Variants in PKD1L1 observed in about 807,000 individuals in gnomAD.
PKD1L1 encodes the protein polycystin-1-like protein 1.
PKD1L1 carries 236 observed loss-of-function variants against 323.4 expected under a neutral mutation model. That is an observed-to-expected ratio of 0.73 (90% confidence interval 0.66 to 0.81). The LOEUF is 0.81. Among genes scored for constraint, PKD1L1 ranks in the 40% least tolerant of loss-of-function variants. The pLI, the probability that PKD1L1 is intolerant of heterozygous loss-of-function variation, is 0.00. For synonymous variants in PKD1L1, 1,344 were observed against 1,335.0 expected (o/e 1.01, Z -0.15); for missense variants, 3,320 against 3,508.0 (o/e 0.95, Z 1.35).
intron 7 of PKD1L1, 107 bp from the exon 8 acceptor site, chr7:47,915,706 G>A: frequency 3.1e-6 from 2 of 638,026 alleles, no homozygotes; most frequent in Non-Finnish European, 5.0e-6. Context: ...ATAAACTAAT[G>A]AAAATTTACC....
intron 25 of PKD1L1, 46 bp from the exon 26 acceptor site, chr7:47,865,318 A>T: frequency 6.5e-7 from 1 of 1,535,242 alleles, no homozygotes; most frequent in Non-Finnish European, 8.9e-7. Context: ...ATGCAAGGAG[A>T]GGGAAATTAG....
Position 47,888,111 on chromosome 7 carries a change from G to T in PKD1L1, c.2715C>A (p.Phe905Leu), listed in dbSNP as rs1406078540. Reference sequence around the variant, plus strand: ...GAGAGAGTTCGTCATTCCAGTTGACGAAGGTGTCTTTAAAGCTGACCCAGG... The same window carrying T: ...GAGAGAGTTCGTCATTCCAGTTGACTAAGGTGTCTTTAAAGCTGACCCAGG... ...HISWVSFKDT[F>L]VNWNDELSLQ... Residue 905 changes from phenylalanine to leucine, a missense_variant, in exon 17 of 57, where the codon TTC becomes TTA. Transcript: ENST00000289672. The T allele has an allele frequency of 6.2e-7, 1 of 1,613,942 alleles. No homozygotes were observed. The highest frequency in any genetic ancestry group is 8.5e-7 in the Non-Finnish European group (1 of 1,179,966).
intron 2 of PKD1L1, among the ~76,000 whole-genome samples, chr7:47,942,231 C>T (rs1055160649): frequency 6.6e-6 from 1 of 152,202 alleles, no homozygotes; most frequent in Non-Finnish European, 1.5e-5. Flanking sequence ...TTCTCCTCAT[C>T]TGCAGCACCT....
chr7:47,945,281 T>C (rs754387771), intron 1 of PKD1L1, among the ~76,000 whole-genome samples: 1 of 152,236 alleles, frequency 6.6e-6, no homozygotes, highest in East Asian at 1.9e-4. Context: ...GTCTTGGATG[T>C]CTATAAAGTC....
intron 48 of PKD1L1, 182 bp from the exon 49 acceptor site, chr7:47,813,475 A>G: frequency 1.3e-6 from 1 of 749,014 alleles, no homozygotes; most frequent in Non-Finnish European, 2.3e-6. Flanking sequence ...CTCAAGCTAC[A>G]GGATCAAGGT....
intron 56 of PKD1L1, among the ~76,000 whole-genome samples, chr7:47,782,907 G>T (rs1328885656): frequency 6.6e-6 from 1 of 152,166 alleles, no homozygotes; most frequent in Non-Finnish European, 1.5e-5. Flanking sequence ...ACCAAAGATA[G>T]ACACTCACTC....
rs189371835 is a variant in PKD1L1, at chr7:47,918,489, G to T, written c.1061-2890C>A. On this transcript the variant is annotated intron_variant, in intron 7 of 56. Transcript: ENST00000289672. Reference sequence around the variant, plus strand: ...GTCAACAACAAAAAAAAAAACAATGGATTTAAACTATACCCTGGAACAAAT... The same window carrying T: ...GTCAACAACAAAAAAAAAAACAATGTATTTAAACTATACCCTGGAACAAAT... Among the ~76,000 whole-genome samples the T allele has an allele frequency of 4.6e-3, 705 of 151,698 alleles. 2 individuals carry two copies. The highest frequency in any genetic ancestry group is 7.1e-3 in the Admixed American group (108 of 15,244).
At chr7:47,818,078 A>G in intron 46 of PKD1L1, 3 of 1,367,864 alleles carry the variant, frequency 2.2e-6, no homozygotes, top group Non-Finnish European at 2.9e-6. Context: ...AAGTTTTGTC[A>G]AACTATCAAA....
At chr7:47,943,162 AAATATATATATATATATATATAT>A (rs1208043199) in intron 2 of PKD1L1, among the ~76,000 whole-genome samples, 637 of 22,568 alleles carry the variant, frequency 0.028, 7 homozygotes, top group Admixed American at 0.04. Context: ...AAAAAAAAAA[AAATATATATATATATATATATAT>A]ATATATATAT....
chr7:47,956,493 C>T, the PKD1L1 span, among the ~76,000 whole-genome samples: 1 of 152,186 alleles, frequency 6.6e-6, no homozygotes, highest in Non-Finnish European at 1.5e-5. Context: ...TTTGGCACTA[C>T]ACGGGCTGTA....
intron 56 of PKD1L1, 118 bp from the exon 57 acceptor site, chr7:47,775,284 T>C: frequency 9.2e-7 from 1 of 1,089,494 alleles, no homozygotes; most frequent in Non-Finnish European, 1.3e-6. Flanking sequence ...ATCAGCTAAC[T>C]TGACCAAGGT....
intron 34 of PKD1L1, among the ~76,000 whole-genome samples, chr7:47,842,748 G>A (rs1197658106): frequency 2.6e-5 from 4 of 152,182 alleles, no homozygotes; most frequent in African/African-American, 9.7e-5. Context: ...GAAGGGATTG[G>A]AGCAGCTGCA....
At chr7:47,813,427 A>G in intron 48 of PKD1L1, 134 bp from the exon 49 acceptor site, 1 of 951,432 alleles carries the variant, frequency 1.1e-6, no homozygotes, top group Non-Finnish European at 1.6e-6. Flanking sequence ...TCCTCATAGG[A>G]TCGTTCTGCA....
At chr7:47,781,269 G>T (rs1431843388) in intron 56 of PKD1L1, among the ~76,000 whole-genome samples, 1 of 151,900 alleles carries the variant, frequency 6.6e-6, no homozygotes, top group South Asian at 2.1e-4. Flanking sequence ...TGAATTCTGA[G>T]GCTTCTTTAT....
intron 53 of PKD1L1, 46 bp downstream of exon 53, chr7:47,803,163 TC>T: frequency 6.2e-7 from 1 of 1,611,244 alleles, no homozygotes; most frequent in Non-Finnish European, 8.5e-7. Context: ...AGTACACAGA[TC>T]AATGGTTTAC....
chr7:47,828,279 A>G (rs1785275238), intron 44 of PKD1L1, among the ~76,000 whole-genome samples: 1 of 152,110 alleles, frequency 6.6e-6, no homozygotes, highest in Admixed American at 6.5e-5. Context: ...GGCTGAATTC[A>G]TCAGAAGGAG....
chr7:47,796,182 C>A (rs756986653), intron 54 of PKD1L1, 32 bp from the exon 55 acceptor site: 6 of 1,519,468 alleles, frequency 3.9e-6, no homozygotes, highest in South Asian at 1.2e-5. Flanking sequence ...AGACAAATTT[C>A]ATGTTAGCAG....
At chr7:47,885,048 T>C (rs1180819001) in intron 18 of PKD1L1, among the ~76,000 whole-genome samples, 3 of 152,132 alleles carry the variant, frequency 2.0e-5, no homozygotes, top group Non-Finnish European at 4.4e-5. Flanking sequence ...AGGAGAGAAA[T>C]GGACACAAGA....
chr7:47,785,727 C>T (rs914226232), intron 56 of PKD1L1, among the ~76,000 whole-genome samples: 3 of 151,102 alleles, frequency 2.0e-5, no homozygotes, highest in African/African-American at 4.9e-5. Flanking sequence ...ATGTTCAGGC[C>T]GAGTTGATAT....
Sources: gnomAD v4.1 joint callset for allele counts (sites outside exome capture counted in the v4.1 genomes callset) on GRCh38, gnomAD v4.1.1 for gene constraint, MANE v1.5 for transcripts, NCBI Gene and HGNC (gene_info 2026-07-23, HGNC 2026-07-21) for gene names.